Variants in UTRN observed in about 807,000 individuals in gnomAD.
UTRN encodes dystrophin-related protein 1.
A neutral mutation model predicts 463.9 loss-of-function variants in UTRN; 283 were observed. The observed-to-expected ratio is 0.61, with a 90% CI of 0.55 to 0.67. The LOEUF (loss-of-function observed/expected upper bound fraction) is 0.67, where lower values mean the gene tolerates loss of function less well. Among genes scored for constraint, UTRN ranks in the 30% least tolerant of loss-of-function variants. The probability of loss-of-function intolerance (pLI) is 0.00; values close to 1 mark genes in which losing one functional copy is unlikely to be tolerated. For synonymous variants in UTRN, 1,442 were observed against 1,431.5 expected (o/e 1.01, Z -0.17); for missense variants, 3,922 against 4,084.3 (o/e 0.96, Z 1.08).
At chr6:144,513,851 G>C in intron 35 of UTRN, 58 bp from the exon 36 acceptor site, 1 of 1,572,240 alleles carries the variant, frequency 6.4e-7, no homozygotes, top group Non-Finnish European at 8.6e-7. Context: ...TCTCTTTTAA[G>C]ATTATCATCT....
At chr6:144,686,568 C>T (rs1288546716) in intron 52 of UTRN, among the ~76,000 whole-genome samples, 1 of 152,076 alleles carries the variant, frequency 6.6e-6, no homozygotes, top group African/African-American at 2.4e-5. Flanking sequence ...AATTTGGTAG[C>T]TCCAGAGCTA....
At chr6:144,423,692 C>A in intron 5 of UTRN, 66 bp downstream of exon 5, 1 of 1,548,446 alleles carries the variant, frequency 6.5e-7, no homozygotes, top group Non-Finnish European at 8.9e-7. Flanking sequence ...TGAAACTCAC[C>A]AACTGCTTGA....
At chr6:144,498,877 T>G (rs1336856800) in intron 33 of UTRN, among the ~76,000 whole-genome samples, 1 of 152,132 alleles carries the variant, frequency 6.6e-6, no homozygotes, top group Non-Finnish European at 1.5e-5. Context: ...GAGGTCATGT[T>G]TCCCAGGCTG....
rs80188585 is a variant in UTRN, at chr6:144,514,581, T to C, written c.5074-69T>C. On this transcript the variant is annotated intron_variant, in intron 36 of 74. Transcript: ENST00000367545. The stretch of plus-strand genomic sequence containing the variant: ...TTTATTTAAACTACCTTTCCTTCTG[T>C]ATAAGCATCACACTCATGTTTGGGT... 2.4e-3 allele frequency: 3,538 copies of C among 1,493,766 alleles called. 136 individuals carry two copies. The East Asian group carries it at 0.068, about 29-fold the overall frequency. The allele number at this position is 1,493,766 out of a possible 1,614,324, so 92.5% of individuals were successfully genotyped here.
intron 2 of UTRN, among the ~76,000 whole-genome samples, chr6:144,314,431 T>C (rs1427983351): frequency 6.6e-6 from 1 of 152,230 alleles, no homozygotes; most frequent in Non-Finnish European, 1.5e-5. Flanking sequence ...TCAGACATCG[T>C]GACAACTTGT....
rs749379353 is a variant in UTRN, at chr6:144,797,994, A to G, written c.9245+4A>G. 1.9e-6 allele frequency: 3 copies of G among 1,613,932 alleles called. No individual in the cohort carries two copies. The African/African-American group carries it at 4.0e-5, about 22-fold the overall frequency. ...AATGTCCAATTGTCGGGTTCAGGTA[A>G]GGCGTGCCAGTGCTGGAGGAGGCTA... On this transcript the variant is annotated splice_donor_region_variant and intron_variant, in intron 64 of 74. Transcript: ENST00000367545.
chr6:144,513,439 A>G (rs1439464939), intron 35 of UTRN, among the ~76,000 whole-genome samples: 1 of 152,078 alleles, frequency 6.6e-6, no homozygotes, highest in Non-Finnish European at 1.5e-5. Flanking sequence ...AGTCCCAGCT[A>G]CTCGGGAGAC....
At chr6:144,669,140 G>T (rs990327417) in intron 51 of UTRN, among the ~76,000 whole-genome samples, 2 of 152,100 alleles carry the variant, frequency 1.3e-5, no homozygotes, top group Admixed American at 1.3e-4. Context: ...AAAGATAATT[G>T]CCAAACTAAT....
chr6:144,309,232 G>A (rs778193146), intron 2 of UTRN, among the ~76,000 whole-genome samples: 4 of 152,148 alleles, frequency 2.6e-5, no homozygotes, highest in Non-Finnish European at 4.4e-5. Flanking sequence ...CCTCCTCTCT[G>A]TCCCCACTGT....
At chr6:144,721,260 G>A (rs1037228396) in intron 53 of UTRN, among the ~76,000 whole-genome samples, 1 of 152,188 alleles carries the variant, frequency 6.6e-6, no homozygotes, top group Non-Finnish European at 1.5e-5. Flanking sequence ...CGCCTAGGCT[G>A]GAATGCAGTG....
intron 10 of UTRN, 106 bp downstream of exon 10, chr6:144,436,244 A>G (rs1322789934): frequency 8.4e-7 from 1 of 1,188,712 alleles, no homozygotes; most frequent in Non-Finnish European, 1.2e-6. Context: ...GTTCTTTGGA[A>G]AGGTCAATGG....
chr6:144,742,957 C>A (rs1388714243), intron 54 of UTRN, among the ~76,000 whole-genome samples: 1 of 152,090 alleles, frequency 6.6e-6, no homozygotes, highest in Non-Finnish European at 1.5e-5. Context: ...AATTACCATA[C>A]CTGAAATGAC....
intron 51 of UTRN, among the ~76,000 whole-genome samples, chr6:144,593,551 G>A (rs1270188306): frequency 6.6e-6 from 1 of 152,180 alleles, no homozygotes; most frequent in South Asian, 2.1e-4. Context: ...ATTTTGTAAA[G>A]AGGGGAGTCT....
At chr6:144,336,857 A>G (rs945134001) in intron 2 of UTRN, among the ~76,000 whole-genome samples, 2 of 152,066 alleles carry the variant, frequency 1.3e-5, no homozygotes, top group African/African-American at 4.8e-5. Flanking sequence ...CTGCCACTAC[A>G]GTGAGAAGTT....
chr6:144,804,323 C>T (rs1023284116), intron 65 of UTRN, among the ~76,000 whole-genome samples: 5 of 152,024 alleles, frequency 3.3e-5, no homozygotes, highest in Non-Finnish European at 7.4e-5. Context: ...ATAGCTTTAA[C>T]CAGGAAAAAG....
At chr6:144,442,489 A>G (rs1268445957) in intron 13 of UTRN, among the ~76,000 whole-genome samples, 1 of 152,226 alleles carries the variant, frequency 6.6e-6, no homozygotes, top group Non-Finnish European at 1.5e-5. Context: ...TGATAAAAAC[A>G]TACCTGAGAC....
At chr6:144,411,493 A>G (rs1423326283) in intron 3 of UTRN, among the ~76,000 whole-genome samples, 1 of 152,094 alleles carries the variant, frequency 6.6e-6, no homozygotes, top group African/African-American at 2.4e-5. Context: ...TCTGGCCGCC[A>G]GGTATCTGAG....
rs79106885 is a variant in UTRN, at chr6:144,423,395, C to G, written c.235-154C>G. Among the ~76,000 whole-genome samples, 28 of 152,308 alleles carry G rather than the reference C, an allele frequency of 1.8e-4. No individual in the cohort carries two copies. In the East Asian group the frequency reaches 5.4e-3, roughly 29 times the overall value. On this transcript the variant is annotated intron_variant, in intron 4 of 74. Transcript: ENST00000367545. ...GGGATTTTCATACTGTGAACACCAG[C>G]TTCCAGGGTGGTAACCTGAGACCTC... is the stretch of plus-strand genomic sequence containing the variant.
At chr6:144,405,813 TACTC>T (rs1274506451) in intron 3 of UTRN, among the ~76,000 whole-genome samples, 1 of 152,242 alleles carries the variant, frequency 6.6e-6, no homozygotes, top group African/African-American at 2.4e-5. Flanking sequence ...ATTGTCCACT[TACTC>T]TATGTAGAGT....
Sources: gnomAD v4.1 joint callset for allele counts (sites outside exome capture counted in the v4.1 genomes callset) on GRCh38, gnomAD v4.1.1 for gene constraint, MANE v1.5 for transcripts, NCBI Gene and HGNC (gene_info 2026-07-23, HGNC 2026-07-21) for gene names.